RANBP2: variants seen among roughly 807,000 people sequenced by gnomAD.
RANBP2 encodes RAN binding protein 2, also known as E3 SUMO-protein ligase RanBP2.
RANBP2 carries 57 observed loss-of-function variants against 303.6 expected under a neutral mutation model. That is an observed-to-expected ratio of 0.19 (90% CI 0.15 to 0.23). The LOEUF (loss-of-function observed/expected upper bound fraction) is 0.23. Among genes scored for constraint, RANBP2 ranks in the 10% least tolerant of loss-of-function variants. The probability of loss-of-function intolerance (pLI) is 1.00; values close to 1 mark genes in which losing one functional copy is unlikely to be tolerated. For synonymous variants in RANBP2, 1,167 were observed against 1,301.5 expected (o/e 0.90, Z 2.23); for missense variants, 3,138 against 3,780.8 (o/e 0.83, Z 4.46).
At chr2:109,296,693 G>A in the RANBP2 span, among the ~76,000 whole-genome samples, 2 of 152,130 alleles carry the variant, frequency 1.3e-5, no homozygotes, top group African/African-American at 4.8e-5. Context: ...CAGGTGTCAT[G>A]GGCAGCAGAG....
chr2:108,850,212 A>G, the RANBP2 span, among the ~76,000 whole-genome samples: 1 of 152,240 alleles, frequency 6.6e-6, no homozygotes, highest in Non-Finnish European at 1.5e-5. Context: ...ACTTAACTCT[A>G]GTAAGAAGAT....
At chr2:108,773,661 G>GC (rs908692286) in intron 23 of RANBP2, among the ~76,000 whole-genome samples, 2 of 142,728 alleles carry the variant, frequency 1.4e-5, no homozygotes, top group Non-Finnish European at 1.5e-5. Context: ...TTTTTTTTTT[G>GC]GGGGGGGATG....
intron 1 of RANBP2, among the ~76,000 whole-genome samples, chr2:108,721,006 G>A (rs826539): frequency 0.16 from 24,646 of 152,044 alleles, 2,087 homozygotes; most frequent in South Asian, 0.19. Flanking sequence ...CCGAGATCGC[G>A]CTACTGCACT....
the RANBP2 span, among the ~76,000 whole-genome samples, chr2:109,270,052 G>T: frequency 1.3e-5 from 2 of 152,354 alleles, no homozygotes; most frequent in East Asian, 3.9e-4. Context: ...GAAGCTGAAG[G>T]AAGCAGGATG....
chr2:108,732,171 A>G (rs1237458617), intron 4 of RANBP2, among the ~76,000 whole-genome samples: 1 of 152,168 alleles, frequency 6.6e-6, no homozygotes, highest in Non-Finnish European at 1.5e-5. Context: ...TTCTATCCCC[A>G]TTATATATGT....
the RANBP2 span, among the ~76,000 whole-genome samples, chr2:109,233,954 T>C: frequency 2.6e-5 from 4 of 152,348 alleles, no homozygotes; most frequent in Non-Finnish European, 5.9e-5. Flanking sequence ...CATTTAACAC[T>C]GAAGGATATT....
At chr2:109,444,777 G>A in the RANBP2 span, among the ~76,000 whole-genome samples, 1 of 152,104 alleles carries the variant, frequency 6.6e-6, no homozygotes, top group Non-Finnish European at 1.5e-5. Context: ...AGGGTGAGCT[G>A]GCACATTAAG....
chr2:109,074,523 A>C, the RANBP2 span, among the ~76,000 whole-genome samples: 3 of 150,382 alleles, frequency 2.0e-5, no homozygotes, highest in African/African-American at 7.3e-5. Context: ...AACATGATGA[A>C]GCCCCATCTC....
At chr2:109,504,907 C>T in the RANBP2 span, among the ~76,000 whole-genome samples, 63 of 152,274 alleles carry the variant, frequency 4.1e-4, 1 homozygote, top group African/African-American at 1.1e-3. Flanking sequence ...CAGAAGCCAG[C>T]GGTGGGCTGG....
the RANBP2 span, among the ~76,000 whole-genome samples, chr2:109,094,016 G>C: frequency 2.0e-4 from 30 of 152,232 alleles, no homozygotes; most frequent in Non-Finnish European, 2.4e-4. Context: ...GTGGGTATCA[G>C]AAATTACTCC....
chr2:109,557,808 T>TA, the RANBP2 span, among the ~76,000 whole-genome samples: 1 of 152,146 alleles, frequency 6.6e-6, no homozygotes, highest in Non-Finnish European at 1.5e-5. Flanking sequence ...CTTGCTATAC[T>TA]ATTCCCTTTT....
chr2:108,777,333 TCCC>T (rs1677962814), intron 25 of RANBP2, 102 bp downstream of exon 25: 3 of 972,986 alleles, frequency 3.1e-6, no homozygotes, highest in African/African-American at 1.6e-5. Context: ...AGAAGTTTCT[TCCC>T]TTACCCCCCA....
chr2:109,326,364 T>G, the RANBP2 span, among the ~76,000 whole-genome samples: 1 of 152,210 alleles, frequency 6.6e-6, no homozygotes, highest in African/African-American at 2.4e-5. Context: ...TTGTTCTTTT[T>G]TTTTAATGTT....
chr2:109,041,545 C>T, the RANBP2 span, among the ~76,000 whole-genome samples: 2 of 135,310 alleles, frequency 1.5e-5, no homozygotes, highest in Non-Finnish European at 1.5e-5. Context: ...TTTTTTGAGA[C>T]GGAGTCTCAC....
At chr2:109,721,049 C>T in the RANBP2 span, among the ~76,000 whole-genome samples, 8 of 152,242 alleles carry the variant, frequency 5.3e-5, no homozygotes, top group South Asian at 2.1e-4. Context: ...CAGAATGTGC[C>T]GCTGTGATCA....
At position 108,745,281 on chromosome 2, in the gene RANBP2, C is replaced by G. The variant is rs550036691; in HGVS notation, c.976-1430C>G. ...GAGGTTGTATCAAATTACATTTCCA[C>G]CACCAATTAAGAAAGTGGTGATAGA... On this transcript the variant is annotated intron_variant, in intron 7 of 28. Coordinates refer to ENST00000283195, the MANE Select transcript of RANBP2 (RefSeq NM_006267.5). Among the ~76,000 whole-genome samples the G allele has an allele frequency of 2.8e-5, 4 of 143,264 alleles. No individual in the cohort carries two copies. In the South Asian group the frequency reaches 9.3e-4, roughly 33 times the overall value. The allele number at this position is 143,264 out of a possible 152,430, so 94.0% of individuals were successfully genotyped here.
chr2:109,277,604 C>G, the RANBP2 span, among the ~76,000 whole-genome samples: 1 of 152,200 alleles, frequency 6.6e-6, no homozygotes, highest in African/African-American at 2.4e-5. Context: ...CTGCACTCCT[C>G]CGCGTGCGTA....
the RANBP2 span, among the ~76,000 whole-genome samples, chr2:108,918,191 G>A: frequency 2.6e-5 from 4 of 152,210 alleles, no homozygotes; most frequent in African/African-American, 9.6e-5. Flanking sequence ...AGGGTGGGGC[G>A]CGAGCCCTGG....
chr2:109,489,422 C>A, the RANBP2 span, among the ~76,000 whole-genome samples: 3 of 152,194 alleles, frequency 2.0e-5, no homozygotes, highest in African/African-American at 7.2e-5. Flanking sequence ...ACAACCAGAC[C>A]CCAGCGTGGC....
Sources: gnomAD v4.1 joint callset for allele counts (sites outside exome capture counted in the v4.1 genomes callset) on GRCh38, gnomAD v4.1.1 for gene constraint, MANE v1.5 for transcripts, NCBI Gene and HGNC (gene_info 2026-07-23, HGNC 2026-07-21) for gene names.